Variants in PCDH9 observed in about 807,000 individuals in gnomAD.
The protein encoded by PCDH9 is protocadherin 9, also known as protocadherin-9.
In PCDH9, 24 loss-of-function variants were observed where a neutral mutation model predicts 70.6. The ratio of observed to expected loss-of-function variants is 0.34; its 90% confidence interval spans 0.25 to 0.48. PCDH9 has a LOEUF of 0.48. Ranked by LOEUF, PCDH9 falls within the 20% of genes least tolerant of loss-of-function variation. The probability of loss-of-function intolerance (pLI) is 0.99; values close to 1 mark genes in which losing one functional copy is unlikely to be tolerated. For synonymous variants in PCDH9, 562 were observed against 558.5 expected, an observed-to-expected ratio of 1.01 and a Z score of -0.09; for missense variants, 1,281 against 1,503.6, an observed-to-expected ratio of 0.85 and a Z score of 2.45.
chr13:67,109,743 T>C (rs542529233), intron 2 of PCDH9, among the ~76,000 whole-genome samples: 1 of 152,316 alleles, frequency 6.6e-6, no homozygotes, highest in African/African-American at 2.4e-5. Context: ...AAAATATTTC[T>C]TTGGGTTAAT....
At chr13:66,877,511 C>T (rs1298765804) in intron 3 of PCDH9, among the ~76,000 whole-genome samples, 1 of 151,952 alleles carries the variant, frequency 6.6e-6, no homozygotes, top group African/African-American at 2.4e-5. Context: ...TTACATAAGC[C>T]TTGGAGTCAC....
intron 3 of PCDH9, among the ~76,000 whole-genome samples, chr13:66,794,553 G>C (rs979243321): frequency 1.8e-4 from 28 of 152,078 alleles, no homozygotes; most frequent in African/African-American, 6.3e-4. Flanking sequence ...TCTACCATCT[G>C]TTCCTTAGGA....
At chr13:67,113,737 G>C (rs545126379) in intron 2 of PCDH9, among the ~76,000 whole-genome samples, 59 of 152,068 alleles carry the variant, frequency 3.9e-4, no homozygotes, top group South Asian at 2.9e-3. Context: ...TTAGTAGAGA[G>C]GGGGTTTCAC....
At chr13:66,364,237 A>G (rs1467979598) in intron 4 of PCDH9, among the ~76,000 whole-genome samples, 1 of 152,208 alleles carries the variant, frequency 6.6e-6, no homozygotes, top group Non-Finnish European at 1.5e-5. Context: ...TATTTTATTT[A>G]AATGCATATT....
intron 4 of PCDH9, among the ~76,000 whole-genome samples, chr13:66,433,564 A>G (rs985165546): frequency 1.3e-5 from 2 of 151,942 alleles, no homozygotes; most frequent in South Asian, 4.1e-4. Context: ...GATCCATTTC[A>G]ACATGTGTAT....
intron 3 of PCDH9, among the ~76,000 whole-genome samples, chr13:66,822,475 G>C (rs1280249903): frequency 6.7e-6 from 1 of 150,252 alleles, no homozygotes; most frequent in Non-Finnish European, 1.5e-5. Context: ...AGACTCGTCT[G>C]AATTTGTGAT....
chr13:66,633,732 G>A (rs1270165294), intron 3 of PCDH9, among the ~76,000 whole-genome samples: 1 of 152,096 alleles, frequency 6.6e-6, no homozygotes, highest in Admixed American at 6.5e-5. Context: ...AGCATTTCTG[G>A]AAGTCCCTTA....
intron 2 of PCDH9, among the ~76,000 whole-genome samples, chr13:67,065,802 C>T (rs2085635476): frequency 6.6e-6 from 1 of 152,064 alleles, no homozygotes; most frequent in Non-Finnish European, 1.5e-5. Flanking sequence ...TATTGTCACT[C>T]CTTTGGTGGC....
Position 66,331,401 on chromosome 13 carries a change from G to A in PCDH9, c.3341-26373C>T, listed in dbSNP as rs1050016720. Among the ~76,000 whole-genome samples, 11 of 152,160 alleles carry A rather than the reference G, an allele frequency of 7.2e-5. No individual in the cohort carries two copies. The East Asian group carries it at 9.7e-4, about 13-fold the overall frequency. On this transcript the variant is annotated intron_variant, in intron 4 of 4. Coordinates refer to ENST00000377865, the MANE Select transcript of PCDH9 (RefSeq NM_203487.3). ...CCCTCTGGCCCCGAACTTCATGAGC[G>A]CCAGAGGAGAAGTAAATGGTTACAA...
chr13:66,931,697 C>T lies in PCDH9; in HGVS notation c.3037-28092G>A, dbSNP rs985376111. Reference sequence around the variant, plus strand: ...GACTTTTCTGTTCCACAGGTTTATCCGTAGGTTGCCTGTGTCAAGTCCTCA... The same window carrying T: ...GACTTTTCTGTTCCACAGGTTTATCTGTAGGTTGCCTGTGTCAAGTCCTCA... On this transcript the variant is annotated intron_variant, in intron 2 of 4. Transcript: ENST00000377865. Among the ~76,000 whole-genome samples the T allele has an allele frequency of 1.3e-4, 19 of 151,996 alleles. 1 individual carries two copies. Among genetic ancestry groups the T allele is most frequent in the Admixed American group, 1.1e-3 (17 of 15,248 alleles).
intron 2 of PCDH9, among the ~76,000 whole-genome samples, chr13:67,175,421 C>G (rs925603118): frequency 3.3e-5 from 5 of 152,126 alleles, no homozygotes; most frequent in Non-Finnish European, 7.4e-5. Context: ...CCTTAACTAC[C>G]TACAGAAACA....
chr13:66,924,949 T>C (rs1383648766), intron 2 of PCDH9, among the ~76,000 whole-genome samples: 3 of 151,852 alleles, frequency 2.0e-5, no homozygotes, highest in Admixed American at 6.6e-5. Flanking sequence ...CAAAGTACGA[T>C]GAATGTATAA....
At chr13:66,338,715 A>C (rs1378124447) in intron 4 of PCDH9, among the ~76,000 whole-genome samples, 1 of 151,914 alleles carries the variant, frequency 6.6e-6, no homozygotes, top group African/African-American at 2.4e-5. Context: ...TGGAGATGAG[A>C]TCCTGACCAC....
chr13:67,053,537 C>T (rs566794604), intron 2 of PCDH9, among the ~76,000 whole-genome samples: 1 of 152,258 alleles, frequency 6.6e-6, no homozygotes, highest in Admixed American at 6.5e-5. Flanking sequence ...ACAAAGAAGA[C>T]ATTAGGAGAG....
chr13:66,530,534 T>A (rs1007147652), intron 4 of PCDH9, among the ~76,000 whole-genome samples: 5 of 152,018 alleles, frequency 3.3e-5, no homozygotes, highest in African/African-American at 7.2e-5. Flanking sequence ...TAGGAAAAGA[T>A]AATAGGTCTG....
At chr13:66,466,775 T>C (rs1233232210) in intron 4 of PCDH9, among the ~76,000 whole-genome samples, 1 of 152,126 alleles carries the variant, frequency 6.6e-6, no homozygotes, top group African/African-American at 2.4e-5. Flanking sequence ...TTAATATACC[T>C]GGAGTGGTAA....
chr13:66,328,863 A>T (rs1566244631), intron 4 of PCDH9, among the ~76,000 whole-genome samples: 1 of 152,182 alleles, frequency 6.6e-6, no homozygotes, highest in Non-Finnish European at 1.5e-5. Flanking sequence ...TAAGAGCTGA[A>T]CATTCATTTT....
chr13:66,939,080 C>T (rs1393071266), intron 2 of PCDH9, among the ~76,000 whole-genome samples: 3 of 151,576 alleles, frequency 2.0e-5, no homozygotes, highest in Middle Eastern at 3.2e-3. Flanking sequence ...TATTTGGGCC[C>T]AATGTTTTTT....
chr13:66,690,031 C>A (rs2078460529), intron 3 of PCDH9, among the ~76,000 whole-genome samples: 2 of 152,036 alleles, frequency 1.3e-5, no homozygotes, highest in South Asian at 2.1e-4. Flanking sequence ...CAGAATTGGA[C>A]CACATTAAAC....
Sources: allele counts gnomAD v4.1 joint callset (sites outside exome capture counted in the v4.1 genomes callset), GRCh38; gene constraint gnomAD v4.1.1; transcripts MANE v1.5; gene names NCBI Gene and HGNC (gene_info 2026-07-23, HGNC 2026-07-21).